PADI4: variants seen among roughly 807,000 people sequenced by gnomAD.
PADI4 encodes protein-arginine deiminase type-4.
A neutral mutation model predicts 75.0 loss-of-function variants in PADI4; 62 were observed. The observed-to-expected ratio is 0.83, with a 90% CI of 0.67 to 1.02. The LOEUF is 1.02. PADI4 is among the 50% of genes least tolerant of loss of function. The pLI, the probability that PADI4 is intolerant of heterozygous loss-of-function variation, is 0.00. For missense variants in PADI4, 845 were observed against 850.5 expected (o/e 0.99, Z 0.08); for synonymous variants, 361 against 348.1 (o/e 1.04, Z -0.41).
At chr1:17,360,251 A>G (rs925463497) in intron 15 of PADI4, among the ~76,000 whole-genome samples, 18 of 150,436 alleles carry the variant, frequency 1.2e-4, no homozygotes, top group Non-Finnish European at 1.0e-4. Flanking sequence ...AGATCATGCT[A>G]TTGCACTCCA....
At chr1:17,326,526 T>C (rs992912362) in intron 1 of PADI4, among the ~76,000 whole-genome samples, 4 of 152,256 alleles carry the variant, frequency 2.6e-5, no homozygotes, top group African/African-American at 9.6e-5. Flanking sequence ...AAACATACTT[T>C]ATACTAGTGA....
Position 17,334,010 on chromosome 1 carries a change from G to C in PADI4, c.340+1G>C. 1.3e-6 allele frequency: 2 copies of C among 1,599,020 alleles called. No individual in the cohort carries two copies. The highest frequency in any genetic ancestry group is 2.2e-5 in the South Asian group (2 of 90,806). ...GCTCTACTCTACCTCACCGGGGTGG[G>C]TAAGTGACAACCAGGATCCTAGAGT... is the stretch of plus-strand genomic sequence containing the variant. On this transcript the variant is annotated splice_donor_variant, in intron 3 of 15. Coordinates refer to ENST00000375448, the MANE Select transcript of PADI4 (RefSeq NM_012387.3). LOFTEE classifies it high-confidence loss of function.
intron 1 of PADI4, among the ~76,000 whole-genome samples, chr1:17,312,653 A>G (rs2073858707): frequency 6.6e-6 from 1 of 152,170 alleles, no homozygotes; most frequent in South Asian, 2.1e-4. Flanking sequence ...AATGATAAAC[A>G]TAGAGCAAGG....
intron 10 of PADI4, among the ~76,000 whole-genome samples, chr1:17,354,198 A>C (rs535844131): frequency 6.6e-6 from 1 of 152,224 alleles, no homozygotes; most frequent in Non-Finnish European, 1.5e-5. Flanking sequence ...GGCTGAGATC[A>C]TGCCACGGCC....
At position 17,338,224 on chromosome 1, in the gene PADI4, T is replaced by G. The variant is rs1190471809; in HGVS notation, c.526+69T>G. 9 of 918,668 alleles carry G rather than the reference T, an allele frequency of 9.8e-6. No individual in the cohort carries two copies. The East Asian group carries it at 2.2e-4, about 23-fold the overall frequency. 56.9% of individuals were successfully genotyped at this position (918,668 alleles called of 1,614,324 possible). ...CCCTTTTGCCCACATAGCCTGAACC[T>G]GGTGACGGCCCTCTGAAATAAGGGT... On this transcript the variant is annotated intron_variant, in intron 5 of 15. Transcript: ENST00000375448.
At chr1:17,352,277 T>C (rs12408893) in intron 10 of PADI4, among the ~76,000 whole-genome samples, 5,952 of 140,090 alleles carry the variant, frequency 0.042, 184 homozygotes, top group East Asian at 0.12. Context: ...TGGGAGGAGA[T>C]GGGGGGCAGT....
intron 1 of PADI4, among the ~76,000 whole-genome samples, chr1:17,319,154 T>G (rs2073992454): frequency 6.6e-6 from 1 of 152,196 alleles, no homozygotes. Flanking sequence ...GCCCCTTGCT[T>G]CTTCCTTTTT....
Position 17,346,733 on chromosome 1 carries a change from T to G in PADI4, c.1047+594T>G, listed in dbSNP as rs2074522637. Among the ~76,000 whole-genome samples, 1 of 152,130 alleles carries G rather than the reference T, an allele frequency of 6.6e-6. No individual in the cohort carries two copies. Among genetic ancestry groups the G allele is most frequent in the African/African-American group, 2.4e-5 (1 of 41,422 alleles). On this transcript the variant is annotated intron_variant, in intron 9 of 15. Transcript: ENST00000375448. The surrounding 1 kb of genome is among the most constrained non-coding windows in gnomAD (Gnocchi z 4.3). ...GACCCTCCCCACCACTGCCTTGCTT[T>G]GCCTCGGGACCCTGTCCTTCCATGC...
intron 1 of PADI4, among the ~76,000 whole-genome samples, chr1:17,326,696 A>G (rs2074121924): frequency 6.6e-6 from 1 of 152,104 alleles, no homozygotes; most frequent in Non-Finnish European, 1.5e-5. Context: ...GAAAATGTAT[A>G]TTTGCTACTT....
At chr1:17,339,342 G>A (rs1402166501) in intron 5 of PADI4, among the ~76,000 whole-genome samples, 4 of 152,102 alleles carry the variant, frequency 2.6e-5, no homozygotes, top group Admixed American at 1.3e-4. Context: ...AGCGCCTGCC[G>A]CCTGCTGGTC....
At chr1:17,330,870 C>T in intron 1 of PADI4, 99 bp from the exon 2 acceptor site, 1 of 760,224 alleles carries the variant, frequency 1.3e-6, no homozygotes, top group Non-Finnish European at 2.1e-6. Context: ...CAAGCTGACA[C>T]CTAATATTAA....
chr1:17,351,023 C>CA (rs35025070), intron 10 of PADI4, among the ~76,000 whole-genome samples: 1,908 of 84,090 alleles, frequency 0.023, 163 homozygotes, highest in East Asian at 0.097. Context: ...CTTGTCCCTA[C>CA]AAAAAAAAAA....
At chr1:17,321,247 C>T (rs1158438040) in intron 1 of PADI4, among the ~76,000 whole-genome samples, 7 of 152,040 alleles carry the variant, frequency 4.6e-5, no homozygotes, top group East Asian at 1.9e-4. Flanking sequence ...AAGCAAAGCC[C>T]GGGAGATGGG....
intron 1 of PADI4, among the ~76,000 whole-genome samples, chr1:17,327,518 A>C (rs1191292236): frequency 6.6e-6 from 1 of 150,546 alleles, no homozygotes; most frequent in East Asian, 1.9e-4. Flanking sequence ...GGCAATATTA[A>C]TCCTGTTATA....
intron 2 of PADI4, among the ~76,000 whole-genome samples, chr1:17,332,794 T>A (rs2074238026): frequency 6.6e-6 from 1 of 152,040 alleles, no homozygotes; most frequent in Non-Finnish European, 1.5e-5. Context: ...AGAGCTTGAC[T>A]ATCCAGGCAG....
At chr1:17,360,753 C>T (rs2074837047) in intron 15 of PADI4, among the ~76,000 whole-genome samples, 1 of 151,516 alleles carries the variant, frequency 6.6e-6, no homozygotes, top group Non-Finnish European at 1.5e-5. Flanking sequence ...CCTCAAGTCA[C>T]CTTATGCACC....
chr1:17,337,997 A>G (rs561733665), intron 4 of PADI4, 41 bp from the exon 5 acceptor site: 8 of 1,202,454 alleles, frequency 6.7e-6, no homozygotes, highest in Middle Eastern at 1.9e-4. Flanking sequence ...GGAGGGCTCT[A>G]TGCTAGTTTC....
At chr1:17,347,728 A>G (rs886329208) in intron 9 of PADI4, among the ~76,000 whole-genome samples, 1 of 151,972 alleles carries the variant, frequency 6.6e-6, no homozygotes, top group Non-Finnish European at 1.5e-5. Flanking sequence ...AGGGAAGGGC[A>G]CTCCTGCAGG....
intron 10 of PADI4, among the ~76,000 whole-genome samples, chr1:17,351,442 TTAA>T (rs1319804782): frequency 2.1e-5 from 3 of 145,060 alleles, no homozygotes; most frequent in African/African-American, 7.7e-5. Context: ...AAAAAAAAAA[TTAA>T]AAATAAAAAT....
Sources: allele counts gnomAD v4.1 joint callset (sites outside exome capture counted in the v4.1 genomes callset), GRCh38; gene constraint gnomAD v4.1.1; non-coding constraint Gnocchi (gnomAD v3.1); transcripts MANE v1.5; gene names NCBI Gene and HGNC (gene_info 2026-07-23, HGNC 2026-07-21).